Variants in SGCZ observed in about 807,000 individuals in gnomAD.
The protein encoded by SGCZ is sarcoglycan zeta.
A neutral mutation model predicts 41.3 loss-of-function variants in SGCZ; 40 were observed. The observed-to-expected ratio is 0.97, with a 90% CI of 0.75 to 1.26. The LOEUF is 1.26. Among genes scored for constraint, SGCZ ranks in the 50% most tolerant of loss-of-function variants. The probability of loss-of-function intolerance (pLI) is 0.00; values close to 1 mark genes in which losing one functional copy is unlikely to be tolerated. For synonymous variants in SGCZ, 206 were observed against 137.5 expected, an observed-to-expected ratio of 1.50 and a Z score of -3.49; for missense variants, 552 against 369.8, an observed-to-expected ratio of 1.49 and a Z score of -4.04.
chr8:14,766,727 A>ATTTTTTTTTT (rs33955290), intron 1 of SGCZ, among the ~76,000 whole-genome samples: 664 of 92,610 alleles, frequency 7.2e-3, no homozygotes, highest in African/African-American at 0.017. Flanking sequence ...ATGTCCAGCT[A>ATTTTTTTTTT]TTTTTTTTTT....
intron 3 of SGCZ, among the ~76,000 whole-genome samples, chr8:14,281,859 C>T (rs111238242): frequency 0.038 from 1,790 of 46,858 alleles, 16 homozygotes; most frequent in Non-Finnish European, 0.067. Flanking sequence ...TTGTCAGAAC[C>T]ATACTGTTCT....
intron 1 of SGCZ, among the ~76,000 whole-genome samples, chr8:15,056,361 A>G (rs969539521): frequency 1.3e-5 from 2 of 152,178 alleles, no homozygotes; most frequent in South Asian, 4.1e-4. Flanking sequence ...AAAAATAATG[A>G]TATCTTTTCT....
intron 2 of SGCZ, among the ~76,000 whole-genome samples, chr8:14,551,583 A>T (rs1047408991): frequency 5.4e-5 from 2 of 36,762 alleles, no homozygotes; most frequent in Non-Finnish European, 8.7e-5. Context: ...TATATATAAT[A>T]TATATAATAT....
At chr8:15,221,822 C>G (rs1187249947) in intron 1 of SGCZ, among the ~76,000 whole-genome samples, 1 of 152,150 alleles carries the variant, frequency 6.6e-6, no homozygotes, top group East Asian at 1.9e-4. Flanking sequence ...GAGAGAAACA[C>G]TGCATTTCGT....
intron 2 of SGCZ, among the ~76,000 whole-genome samples, chr8:14,485,635 A>C (rs1463649114): frequency 1.3e-5 from 2 of 152,070 alleles, no homozygotes; most frequent in Non-Finnish European, 2.9e-5. Context: ...CTCATAGTAC[A>C]TGAGACATGC....
intron 1 of SGCZ, among the ~76,000 whole-genome samples, chr8:15,065,415 A>AATTATT (rs200765691): frequency 0.057 from 7,796 of 137,368 alleles, 230 homozygotes; most frequent in Non-Finnish European, 0.065. Context: ...ATGGTATTGT[A>AATTATT]ATTATTATTA....
At chr8:14,514,183 A>G (rs1802545682) in intron 2 of SGCZ, among the ~76,000 whole-genome samples, 1 of 152,202 alleles carries the variant, frequency 6.6e-6, no homozygotes, top group Non-Finnish European at 1.5e-5. Context: ...AAACATTATA[A>G]TGATAACTCT....
At chr8:15,157,787 G>GC (rs762261008) in intron 1 of SGCZ, among the ~76,000 whole-genome samples, 16 of 152,106 alleles carry the variant, frequency 1.1e-4, no homozygotes, top group Admixed American at 2.6e-4. Context: ...ACCTCCACTA[G>GC]CTGAACTATG....
intron 3 of SGCZ, among the ~76,000 whole-genome samples, chr8:14,316,687 T>C (rs866814573): frequency 6.6e-6 from 1 of 151,940 alleles, no homozygotes; most frequent in Non-Finnish European, 1.5e-5. Flanking sequence ...TAGACTGTGA[T>C]TGGCTGTTTC....
intron 3 of SGCZ, among the ~76,000 whole-genome samples, chr8:14,281,531 C>A (rs866179703): frequency 6.6e-6 from 1 of 152,050 alleles, no homozygotes; most frequent in Middle Eastern, 3.4e-3. Flanking sequence ...TATACATGCA[C>A]ATTTTGCATG....
intron 1 of SGCZ, among the ~76,000 whole-genome samples, chr8:14,968,115 T>A (rs1211359803): frequency 1.3e-5 from 2 of 152,170 alleles, no homozygotes; most frequent in Non-Finnish European, 2.9e-5. Context: ...CTCATCAGAT[T>A]GGTTAAAATG....
intron 1 of SGCZ, among the ~76,000 whole-genome samples, chr8:15,235,932 G>A (rs549597508): frequency 6.6e-6 from 1 of 152,264 alleles, no homozygotes; most frequent in East Asian, 1.9e-4. Context: ...GGGATGCTTG[G>A]GAAAGAGAAG....
intron 2 of SGCZ, among the ~76,000 whole-genome samples, chr8:14,479,855 C>T (rs1341608969): frequency 2.0e-5 from 3 of 150,688 alleles, no homozygotes; most frequent in Non-Finnish European, 4.4e-5. Flanking sequence ...AAGCAATTCT[C>T]CTGCCTCAGG....
At chr8:14,521,065 C>T (rs1486847561) in intron 2 of SGCZ, among the ~76,000 whole-genome samples, 1 of 152,076 alleles carries the variant, frequency 6.6e-6, no homozygotes, top group Admixed American at 6.6e-5. Context: ...ACATCGTACT[C>T]AGCTTCCCCC....
At chr8:14,108,127 G>A (rs1358157177) in intron 6 of SGCZ, 36 bp downstream of exon 6, 3 of 1,588,176 alleles carry the variant, frequency 1.9e-6, no homozygotes, top group African/African-American at 1.3e-5. Context: ...CAACAATGAT[G>A]GATTTTATGC....
At chr8:15,094,292 G>C (rs1162477877) in intron 1 of SGCZ, among the ~76,000 whole-genome samples, 4 of 152,022 alleles carry the variant, frequency 2.6e-5, no homozygotes, top group African/African-American at 9.7e-5. Context: ...GCACCACCAT[G>C]CCTAGCTAAT....
intron 1 of SGCZ, among the ~76,000 whole-genome samples, chr8:14,894,085 G>A (rs1416449655): frequency 6.6e-6 from 1 of 151,940 alleles, no homozygotes; most frequent in African/African-American, 2.4e-5. Context: ...TTAATTAATT[G>A]GCATTGATTT....
intron 3 of SGCZ, among the ~76,000 whole-genome samples, chr8:14,307,280 C>T (rs1002264203): frequency 1.3e-5 from 2 of 152,072 alleles, no homozygotes; most frequent in Non-Finnish European, 2.9e-5. Context: ...AAGACTAGAC[C>T]ATGTAATTCA....
intron 1 of SGCZ, among the ~76,000 whole-genome samples, chr8:14,699,567 T>G (rs369250474): frequency 1.1e-4 from 17 of 151,914 alleles, no homozygotes; most frequent in East Asian, 7.7e-4. Flanking sequence ...GCAAAAAATG[T>G]ATGGCTACAT....
Sources: gnomAD v4.1 joint callset for allele counts (sites outside exome capture counted in the v4.1 genomes callset) on GRCh38, gnomAD v4.1.1 for gene constraint, MANE v1.5 for transcripts, NCBI Gene and HGNC (gene_info 2026-07-23, HGNC 2026-07-21) for gene names.